CTNND2: variants seen among roughly 807,000 people sequenced by gnomAD.
CTNND2 encodes the protein catenin delta-2.
Under a neutral mutation model 144.4 loss-of-function variants are expected in CTNND2, and 22 were observed. The observed-to-expected ratio is 0.15, with a 90% CI of 0.11 to 0.22. CTNND2 has a LOEUF of 0.22. Ranked by LOEUF, CTNND2 falls within the 10% of genes least tolerant of loss-of-function variation. The pLI is 1.00. For missense variants in CTNND2, 1,353 were observed against 1,618.8 expected (o/e 0.84, Z 2.82); for synonymous variants, 751 against 695.6 (o/e 1.08, Z -1.25).
In CTNND2 at chr5:11,236,861, G is replaced by C. The variant is rs373994264; in HGVS notation, c.1629-38C>G. 6 of 1,611,404 alleles carry C rather than the reference G, an allele frequency of 3.7e-6. No individual in the cohort carries two copies. In the African/African-American group the frequency reaches 6.7e-5, roughly 18 times the overall value. ...AAAGAAGCGGGGAGAATATGAGAGA[G>C]AAATCCTACCACACTGTTAACACAT... On this transcript the variant is annotated intron_variant, in intron 9 of 21. Transcript: ENST00000304623.
intron 1 of CTNND2, among the ~76,000 whole-genome samples, chr5:11,810,577 A>G (rs1243880750): frequency 6.6e-6 from 1 of 152,202 alleles, no homozygotes; most frequent in African/African-American, 2.4e-5. Context: ...CTCTTACTAT[A>G]AAAATTATTT....
chr5:11,072,357 C>T (rs1330223919), intron 16 of CTNND2, among the ~76,000 whole-genome samples: 1 of 152,224 alleles, frequency 6.6e-6, no homozygotes, highest in Non-Finnish European at 1.5e-5. Flanking sequence ...AACATACACT[C>T]ACTTTGGGAT....
chr5:11,258,100 G>A (rs1209932932), intron 9 of CTNND2, among the ~76,000 whole-genome samples: 1 of 152,166 alleles, frequency 6.6e-6, no homozygotes, highest in Non-Finnish European at 1.5e-5. Context: ...GCATCCCTGA[G>A]TGCCGTGTTG....
intron 3 of CTNND2, among the ~76,000 whole-genome samples, chr5:11,547,197 G>A (rs796460442): frequency 9.9e-5 from 15 of 152,030 alleles, no homozygotes; most frequent in Admixed American, 3.3e-4. Flanking sequence ...TAACCCTGGA[G>A]GCGGAGGTTG....
At chr5:11,491,220 T>C (rs1769350622) in intron 3 of CTNND2, among the ~76,000 whole-genome samples, 1 of 152,206 alleles carries the variant, frequency 6.6e-6, no homozygotes, top group South Asian at 2.1e-4. Flanking sequence ...TTCCAGTTGC[T>C]TTCCCAGTGA....
intron 3 of CTNND2, among the ~76,000 whole-genome samples, chr5:11,518,109 T>C (rs1005461083): frequency 2.6e-5 from 4 of 152,214 alleles, no homozygotes; most frequent in African/African-American, 4.8e-5. Flanking sequence ...TGGTTAACAA[T>C]GGGCCGCATA....
chr5:11,472,331 TCTAA>T (rs1374241325), intron 3 of CTNND2, among the ~76,000 whole-genome samples: 12 of 152,320 alleles, frequency 7.9e-5, no homozygotes, highest in Non-Finnish European at 1.3e-4. Flanking sequence ...ACCATATAGG[TCTAA>T]CTATTTTATC....
chr5:11,062,143 A>G (rs1747060089), intron 16 of CTNND2, among the ~76,000 whole-genome samples: 1 of 152,238 alleles, frequency 6.6e-6, no homozygotes, highest in African/African-American at 2.4e-5. Flanking sequence ...GAGATAAATT[A>G]ATTCCACATC....
chr5:11,842,416 G>T (rs916254633), intron 1 of CTNND2, among the ~76,000 whole-genome samples: 3 of 152,014 alleles, frequency 2.0e-5, no homozygotes, highest in African/African-American at 7.2e-5. Flanking sequence ...AACATATACT[G>T]GACAAAATCT....
rs61753320 is a variant in CTNND2 at position 11,117,655 on chromosome 5, G to T, written c.2160-88C>A. On this transcript the variant is annotated intron_variant, in intron 12 of 21. Coordinates refer to ENST00000304623, the MANE Select transcript of CTNND2 (RefSeq NM_001332.4). ...GCCCAGCTGCTCTCATAGTTTGAAAGTAAATGCATTTTTCCCCACTTTTTC... is the reference window on the plus strand; with the variant it reads ...GCCCAGCTGCTCTCATAGTTTGAAATTAAATGCATTTTTCCCCACTTTTTC... 1,309 of 1,025,790 alleles carry T rather than the reference G, an allele frequency of 1.3e-3. 9 individuals carry two copies. In the African/African-American group the frequency reaches 0.016, roughly 13 times the overall value. The allele number at this position is 1,025,790 out of a possible 1,614,324, so 63.5% of individuals were successfully genotyped here.
intron 3 of CTNND2, among the ~76,000 whole-genome samples, chr5:11,522,020 T>C (rs1373956829): frequency 1.3e-5 from 2 of 152,184 alleles, no homozygotes; most frequent in Admixed American, 6.6e-5. Flanking sequence ...ACTTAAAGCA[T>C]AGTGAAGGGA....
intron 10 of CTNND2, among the ~76,000 whole-genome samples, chr5:11,222,179 G>T (rs926291118): frequency 6.6e-6 from 1 of 152,094 alleles, no homozygotes; most frequent in Admixed American, 6.5e-5. Flanking sequence ...GAGGCGGGGG[G>T]AAGATAAAAA....
At chr5:11,887,225 C>T (rs555497187) in intron 1 of CTNND2, among the ~76,000 whole-genome samples, 3 of 152,042 alleles carry the variant, frequency 2.0e-5, no homozygotes, top group South Asian at 2.1e-4. Context: ...CCTTGTGATC[C>T]GCCCGCCTCA....
intron 20 of CTNND2, among the ~76,000 whole-genome samples, chr5:10,983,936 C>T (rs906800553): frequency 6.6e-6 from 1 of 152,160 alleles, no homozygotes; most frequent in African/African-American, 2.4e-5. Flanking sequence ...GACCCTCCTT[C>T]CTCAGAGCGG....
intron 1 of CTNND2, among the ~76,000 whole-genome samples, chr5:11,865,915 AC>A (rs1186424025): frequency 6.0e-5 from 9 of 149,228 alleles, no homozygotes; most frequent in Non-Finnish European, 9.0e-5. Flanking sequence ...AAAAAAAAAA[AC>A]GAGTTCTCCT....
intron 3 of CTNND2, among the ~76,000 whole-genome samples, chr5:11,436,585 T>A (rs1375500454): frequency 6.6e-6 from 1 of 152,240 alleles, no homozygotes; most frequent in South Asian, 2.1e-4. Context: ...TTCCCAAAGA[T>A]GTTCCTTACT....
At position 11,164,235 on chromosome 5, in the gene CTNND2, C is replaced by T. The variant is rs542785614; in HGVS notation, c.1976-4476G>A. On this transcript the variant is annotated intron_variant, in intron 11 of 21. Transcript: ENST00000304623. ...CCATTTGAAGCCCTCCTACCTTAGT[C>T]ATACCTGCAAAGTCCCTTTCATCAT... 7.2e-5 allele frequency among the ~76,000 whole-genome samples: 11 copies of T among 152,290 alleles called. No homozygotes were observed. In the South Asian group the frequency reaches 2.1e-3, roughly 29 times the overall value.
chr5:11,012,280 G>A (rs964749149), intron 18 of CTNND2, among the ~76,000 whole-genome samples: 2 of 152,156 alleles, frequency 1.3e-5, no homozygotes, highest in Admixed American at 6.5e-5. Flanking sequence ...CTTCATGAAA[G>A]GCCATGAAGG....
chr5:11,560,677 A>G (rs1776611931), intron 3 of CTNND2, among the ~76,000 whole-genome samples: 2 of 152,336 alleles, frequency 1.3e-5, no homozygotes, highest in East Asian at 1.9e-4. Context: ...ACAGAGAAAC[A>G]GTCCAGTCTG....
Sources: gnomAD v4.1 joint callset for allele counts (sites outside exome capture counted in the v4.1 genomes callset) on GRCh38, gnomAD v4.1.1 for gene constraint, MANE v1.5 for transcripts, NCBI Gene and HGNC (gene_info 2026-07-23, HGNC 2026-07-21) for gene names.